The following NAALADL2 variants were observed in gnomAD, a reference collection of about 807,000 sequenced individuals.
NAALADL2 encodes N-acetylated alpha-linked acidic dipeptidase like 2.
NAALADL2 carries 76 observed loss-of-function variants against 87.2 expected under a neutral mutation model. The ratio of observed to expected loss-of-function variants is 0.87; its 90% CI spans 0.72 to 1.05. NAALADL2 has a LOEUF of 1.05. NAALADL2 is among the 50% of genes least tolerant of loss of function. NAALADL2 has a pLI of 0.00. For synonymous variants in NAALADL2, 354 were observed against 331.0 expected, an observed-to-expected ratio of 1.07 and a Z score of -0.75; for missense variants, 1,089 against 945.8, an observed-to-expected ratio of 1.15 and a Z score of -1.99.
chr3:175,071,221 C>T (rs368058050), intron 1 of NAALADL2, among the ~76,000 whole-genome samples: 19 of 152,216 alleles, frequency 1.2e-4, no homozygotes, highest in African/African-American at 3.8e-4. Context: ...TGCCACAAAG[C>T]GTGTCTGACT....
At chr3:174,712,193 T>C (rs1422147027) in intron 2 of NAALADL2, among the ~76,000 whole-genome samples, 1 of 152,152 alleles carries the variant, frequency 6.6e-6, no homozygotes, top group Non-Finnish European at 1.5e-5. Flanking sequence ...ATTCTCAATA[T>C]AATCTTAAAA....
Position 175,191,262 on chromosome 3 carries a change from A to T in NAALADL2, c.546-42669A>T, listed in dbSNP as rs544535450. 7.6e-3 allele frequency among the ~76,000 whole-genome samples: 1,160 copies of T among 152,156 alleles called. 14 individuals carry two copies. Among genetic ancestry groups the T allele is most frequent in the African/African-American group, 0.026 (1,074 of 41,446 alleles). ...TACTTTATGTAAATTATTTTTTTAA[A>T]AAATCCCAAATATTATAGCCAATTC... is the stretch of plus-strand genomic sequence containing the variant. On this transcript the variant is annotated intron_variant, in intron 2 of 13. Transcript: ENST00000454872.
intron 2 of NAALADL2, among the ~76,000 whole-genome samples, chr3:174,637,557 A>G (rs892881638): frequency 6.6e-6 from 1 of 152,116 alleles, no homozygotes; most frequent in Non-Finnish European, 1.5e-5. Context: ...CATCAGAATG[A>G]TGTACAAAAT....
chr3:174,914,075 T>A (rs79235271), intron 1 of NAALADL2, among the ~76,000 whole-genome samples: 3 of 151,478 alleles, frequency 2.0e-5, no homozygotes, highest in Non-Finnish European at 2.9e-5. Context: ...TTTTTTTTTT[T>A]AATTAGAGAC....
intron 1 of NAALADL2, among the ~76,000 whole-genome samples, chr3:175,040,146 A>C (rs1360654927): frequency 6.6e-6 from 1 of 152,184 alleles, no homozygotes; most frequent in Non-Finnish European, 1.5e-5. Context: ...CTGAATAAAC[A>C]TGTCCACGCC....
intron 1 of NAALADL2, among the ~76,000 whole-genome samples, chr3:174,871,046 G>A (rs925807069): frequency 6.6e-6 from 1 of 152,140 alleles, no homozygotes; most frequent in Non-Finnish European, 1.5e-5. Context: ...GTAGTTGAAA[G>A]TAAATGGGTT....
chr3:174,446,827 G>A (rs555474608), intron 1 of NAALADL2, among the ~76,000 whole-genome samples: 10 of 152,090 alleles, frequency 6.6e-5, no homozygotes, highest in Admixed American at 3.3e-4. Flanking sequence ...GGTTGTAGAA[G>A]CCAGCTTGAA....
At chr3:174,745,663 C>T (rs949220642) in intron 3 of NAALADL2, among the ~76,000 whole-genome samples, 2 of 152,106 alleles carry the variant, frequency 1.3e-5, no homozygotes, top group African/African-American at 2.4e-5. Context: ...AGCCAATATC[C>T]CTGATGAACA....
chr3:175,330,893 T>C (rs1016842113), intron 5 of NAALADL2, among the ~76,000 whole-genome samples: 3 of 151,800 alleles, frequency 2.0e-5, no homozygotes, highest in African/African-American at 7.3e-5. Context: ...ATAAAATAGA[T>C]AAACCACTGA....
At chr3:175,332,940 A>T in intron 5 of NAALADL2, among the ~76,000 whole-genome samples, 1 of 151,658 alleles carries the variant, frequency 6.6e-6, no homozygotes, top group African/African-American at 2.4e-5. Context: ...CAATTGTTAC[A>T]TTTTCTTGGT....
chr3:175,540,401 C>G (rs917468310), intron 9 of NAALADL2, among the ~76,000 whole-genome samples: 1 of 152,156 alleles, frequency 6.6e-6, no homozygotes, highest in Non-Finnish European at 1.5e-5. Flanking sequence ...CTAATGCCTA[C>G]ACTGGGAGAT....
At chr3:174,549,111 GATTACAGGTGTGAGCCACC>G (rs1305865583) in intron 1 of NAALADL2, among the ~76,000 whole-genome samples, 2 of 152,338 alleles carry the variant, frequency 1.3e-5, no homozygotes. Flanking sequence ...AAAGTGCTAG[GATTACAGGTGTGAGCCACC>G]ACGTCTGGCT....
chr3:174,819,385 T>G (rs1251563551), intron 3 of NAALADL2, among the ~76,000 whole-genome samples: 1 of 13,460 alleles, frequency 7.4e-5, no homozygotes, highest in Non-Finnish European at 1.2e-4. Flanking sequence ...TTCTTTATAT[T>G]TACTTTCTTT....
At chr3:174,462,250 C>T (rs964351432) in intron 1 of NAALADL2, among the ~76,000 whole-genome samples, 5 of 151,852 alleles carry the variant, frequency 3.3e-5, no homozygotes, top group African/African-American at 1.2e-4. Context: ...GAACGTTTGT[C>T]CTTGGTTGTT....
chr3:174,961,249 G>A (rs1028535105), intron 1 of NAALADL2, among the ~76,000 whole-genome samples: 11 of 151,002 alleles, frequency 7.3e-5, no homozygotes, highest in East Asian at 1.9e-4. Flanking sequence ...CTTCCAAAGC[G>A]CACTGGGATT....
intron 2 of NAALADL2, among the ~76,000 whole-genome samples, chr3:175,193,961 G>A (rs531994939): frequency 2.2e-4 from 33 of 151,956 alleles, no homozygotes; most frequent in African/African-American, 6.5e-4. Flanking sequence ...TAATTTGTGT[G>A]CAAAGTGCTA....
chr3:175,000,981 T>G (rs946076113), intron 1 of NAALADL2, among the ~76,000 whole-genome samples: 1 of 152,182 alleles, frequency 6.6e-6, no homozygotes, highest in African/African-American at 2.4e-5. Flanking sequence ...CACTGCGGCA[T>G]GCGCAGAAAA....
At chr3:175,379,045 A>G (rs1489241312) in intron 5 of NAALADL2, among the ~76,000 whole-genome samples, 3 of 152,166 alleles carry the variant, frequency 2.0e-5, no homozygotes, top group Non-Finnish European at 2.9e-5. Context: ...GAATAGGCCC[A>G]TGGGTGCTGA....
chr3:175,255,499 C>A (rs1749778966), intron 3 of NAALADL2, among the ~76,000 whole-genome samples: 1 of 151,846 alleles, frequency 6.6e-6, no homozygotes, highest in South Asian at 2.1e-4. Context: ...TGGATATATG[C>A]TATAATTTGA....
Sources: allele counts gnomAD v4.1 joint callset (sites outside exome capture counted in the v4.1 genomes callset), GRCh38; gene constraint gnomAD v4.1.1; transcripts MANE v1.5; gene names NCBI Gene and HGNC (gene_info 2026-07-23, HGNC 2026-07-21).